ANKFY1: variants seen among roughly 807,000 people sequenced by gnomAD.
ANKFY1 encodes ankyrin repeat and FYVE domain-containing protein 1.
ANKFY1 carries 47 observed loss-of-function variants against 128.3 expected under a neutral mutation model. The observed-to-expected ratio is 0.37, with a 90% CI of 0.29 to 0.47. The LOEUF is 0.47. ANKFY1 is among the 20% of genes least tolerant of loss of function. The pLI is 1.00. For missense variants in ANKFY1, 1,222 were observed against 1,510.6 expected, an observed-to-expected ratio of 0.81 and a Z score of 3.17; for synonymous variants, 553 against 601.6, an observed-to-expected ratio of 0.92 and a Z score of 1.18.
intron 1 of ANKFY1, among the ~76,000 whole-genome samples, chr17:4,247,077 C>T (rs993655120): frequency 6.6e-6 from 1 of 150,946 alleles, no homozygotes; most frequent in South Asian, 2.1e-4. Context: ...GATCGCACCA[C>T]TGACTCCAGC....
intron 1 of ANKFY1, among the ~76,000 whole-genome samples, chr17:4,261,387 G>C (rs1968407337): frequency 6.6e-6 from 1 of 152,190 alleles, no homozygotes; most frequent in African/African-American, 2.4e-5. Context: ...TGCTGAGGTG[G>C]AAGAATCGCT....
chr17:4,195,132 C>A lies in ANKFY1; in HGVS notation c.1218G>T (p.Trp406Cys), dbSNP rs761582332. 1 of 1,613,612 alleles carries A rather than the reference C, an allele frequency of 6.2e-7. No homozygotes were observed. Residue 406 changes from tryptophan (W) to cysteine (C), a missense_variant, in exon 10 of 25, where the codon TGG becomes TGT. Coordinates refer to ENST00000341657, the MANE Select transcript of ANKFY1 (RefSeq NM_001330063.2). The part of the protein sequence containing the change: ...LKDHEGSTAL[W>C]LAVQHITVSS... Reference sequence around the variant, plus strand: ...ACACTGTGATATGCTGCACTGCCAGCCACAGAGCCGTGCTGCCCTCGTGGT... The same window carrying A: ...ACACTGTGATATGCTGCACTGCCAGACACAGAGCCGTGCTGCCCTCGTGGT...
chr17:4,179,039 G>A lies in ANKFY1; in HGVS notation c.2416C>T (p.Pro806Ser). The A allele has an allele frequency of 1.2e-6, 2 of 1,614,122 alleles. No individual in the cohort carries two copies. Among genetic ancestry groups the A allele is most frequent in the Non-Finnish European group, 1.7e-6 (2 of 1,180,030 alleles). ...VNAQDAEGRT[P>S]IHVAISSQHG... ...TGGCTGCTGATGGCCACGTGGATGG[G>A]GGTTCTTCCTTCTGCATCCTATGGA... Residue 806 changes from proline to serine, a missense_variant, in exon 18 of 25, where the codon CCC becomes TCC. Pro to Ser is a moderately conservative substitution (Grantham distance 74, BLOSUM62 -1). Coordinates refer to ENST00000341657, the MANE Select transcript of ANKFY1 (RefSeq NM_001330063.2).
At position 4,173,320 on chromosome 17, in the gene ANKFY1, C is replaced by T. The variant is rs3816480; in HGVS notation, c.3014+34G>A. On this transcript the variant is annotated intron_variant, in intron 21 of 24. Coordinates refer to ENST00000341657, the MANE Select transcript of ANKFY1 (RefSeq NM_001330063.2). Reference sequence around the variant, plus strand: ...CAGCAGCTCTGAGCAGCAGGCCAGGCGCCGCGGGGCCTACTCGGGCCCAAC... The same window carrying T: ...CAGCAGCTCTGAGCAGCAGGCCAGGTGCCGCGGGGCCTACTCGGGCCCAAC... 0.075 allele frequency: 120,002 copies of T among 1,600,352 alleles called. 5,361 individuals are homozygous for T. The highest frequency in any genetic ancestry group is 0.15 in the Admixed American group (8,762 of 59,972).
At chr17:4,260,059 A>G (rs1279600630) in intron 1 of ANKFY1, among the ~76,000 whole-genome samples, 1 of 152,228 alleles carries the variant, frequency 6.6e-6, no homozygotes, top group Non-Finnish European at 1.5e-5. Context: ...GAATGAAAGT[A>G]GGAAATAAGC....
intron 1 of ANKFY1, among the ~76,000 whole-genome samples, chr17:4,252,282 C>T (rs920468382): frequency 1.6e-4 from 25 of 152,150 alleles, no homozygotes; most frequent in African/African-American, 6.0e-4. Context: ...ATCTGGAGAA[C>T]TAGGCCAAGC....
chr17:4,207,871 C>A, intron 6 of ANKFY1, 62 bp downstream of exon 6: 1 of 1,479,590 alleles, frequency 6.8e-7, no homozygotes, highest in South Asian at 1.4e-5. Flanking sequence ...AGAAGTACCA[C>A]GGAGAAAGAC....
chr17:4,217,272 G>C (rs1472624466), intron 3 of ANKFY1, among the ~76,000 whole-genome samples, 154 bp from the exon 4 acceptor site: 1 of 152,178 alleles, frequency 6.6e-6, no homozygotes, highest in Non-Finnish European at 1.5e-5. Context: ...GACTCGGCCG[G>C]GTGCAGTGGC....
intron 1 of ANKFY1, among the ~76,000 whole-genome samples, chr17:4,256,473 C>T (rs752193302): frequency 1.3e-5 from 2 of 151,944 alleles, no homozygotes; most frequent in Non-Finnish European, 2.9e-5. Flanking sequence ...GCAGGGTTCT[C>T]CAGGTTGAGA....
At chr17:4,259,343 C>T (rs567310721) in intron 1 of ANKFY1, among the ~76,000 whole-genome samples, 45 of 152,310 alleles carry the variant, frequency 3.0e-4, no homozygotes, top group Admixed American at 4.6e-4. Context: ...TGCGGTGGCG[C>T]GATCTCGGAT....
At chr17:4,231,996 T>C (rs1451149899) in intron 3 of ANKFY1, among the ~76,000 whole-genome samples, 3 of 145,236 alleles carry the variant, frequency 2.1e-5, no homozygotes, top group African/African-American at 2.5e-5. Flanking sequence ...AAAAGAAAAA[T>C]GTGGAGTTTT....
intron 1 of ANKFY1, among the ~76,000 whole-genome samples, chr17:4,257,482 A>C (rs981970652): frequency 6.6e-6 from 1 of 152,098 alleles, no homozygotes; most frequent in African/African-American, 2.4e-5. Flanking sequence ...CATCCCACTA[A>C]TTCCTTCCAC....
intron 22 of ANKFY1, 90 bp from the exon 23 acceptor site, chr17:4,170,951 C>G: frequency 6.3e-7 from 1 of 1,583,292 alleles, no homozygotes; most frequent in Non-Finnish European, 8.6e-7. Flanking sequence ...AAGGGCAGAA[C>G]AGACCGCTGG....
At position 4,194,968 on chromosome 17, in the gene ANKFY1, C is replaced by CG. The variant is rs776216848; in HGVS notation, c.1372+9dup. 1.9e-6 allele frequency: 3 copies of CG among 1,614,078 alleles called. No homozygotes were observed. In the African/African-American group the frequency reaches 4.0e-5, roughly 22 times the overall value. On this transcript the variant is annotated intron_variant, in intron 10 of 24. Transcript: ENST00000341657. ...CCCAGCGTCGCCCCTTCGGGAGGCA[C>CG]GTGCTTTACCTGTCGCCGTGTCAGG...
rs2059285442 is a variant in ANKFY1 at position 4,169,980 on chromosome 17, T to C, written c.3287-692A>G. Among the ~76,000 whole-genome samples the C allele has an allele frequency of 6.6e-6, 1 of 152,058 alleles. No individual in the cohort carries two copies. Among genetic ancestry groups the C allele is most frequent in the Non-Finnish European group, 1.5e-5 (1 of 67,992 alleles). Reference sequence around the variant, plus strand: ...GAGTCCGTCAGTTCCTTCTGAGTAATGGGATGTGTGTGCTGCCGGCCCTGT... The same window carrying C: ...GAGTCCGTCAGTTCCTTCTGAGTAACGGGATGTGTGTGCTGCCGGCCCTGT... On this transcript the variant is annotated intron_variant, in intron 23 of 24. Transcript: ENST00000341657. This position sits in a 1 kb window ranked among gnomAD's most constrained non-coding sequence, Gnocchi z 5.0.
chr17:4,190,907 T>C (rs1048920451), intron 10 of ANKFY1, among the ~76,000 whole-genome samples: 2 of 151,786 alleles, frequency 1.3e-5, no homozygotes, highest in Non-Finnish European at 2.9e-5. Flanking sequence ...GGAGGCTGAG[T>C]TGGGTGGATA....
intron 16 of ANKFY1, chr17:4,180,303 C>G (rs994203511): frequency 1.8e-5 from 3 of 165,582 alleles, no homozygotes; most frequent in African/African-American, 7.2e-5. Context: ...TGGTGCGCGC[C>G]CATCCCACCT....
intron 5 of ANKFY1, among the ~76,000 whole-genome samples, chr17:4,208,414 T>C (rs948012928): frequency 6.6e-6 from 1 of 152,188 alleles, no homozygotes; most frequent in Non-Finnish European, 1.5e-5. Flanking sequence ...CAGCCATGCA[T>C]ACCTCTAACA....
chr17:4,225,867 C>A (rs2060416969), intron 3 of ANKFY1, among the ~76,000 whole-genome samples: 1 of 152,008 alleles, frequency 6.6e-6, no homozygotes, highest in Admixed American at 6.6e-5. Flanking sequence ...GCTAAGTGAT[C>A]CTCCCACCTC....
Sources: allele counts gnomAD v4.1 joint callset (sites outside exome capture counted in the v4.1 genomes callset), GRCh38; gene constraint gnomAD v4.1.1; non-coding constraint Gnocchi (gnomAD v3.1); transcripts MANE v1.5; gene names NCBI Gene and HGNC (gene_info 2026-07-23, HGNC 2026-07-21).